HS1BP3: variants seen among roughly 807,000 people sequenced by gnomAD.
The protein encoded by HS1BP3 is HCLS1 binding protein 3.
Under a neutral mutation model 33.5 loss-of-function variants are expected in HS1BP3, and 32 were observed. That is an observed-to-expected ratio of 0.95 (90% CI 0.72 to 1.28). The LOEUF is 1.28. Among genes scored for constraint, HS1BP3 ranks in the 50% most tolerant of loss-of-function variants. The pLI, the probability that HS1BP3 is intolerant of heterozygous loss-of-function variation, is 0.00. For missense variants in HS1BP3, 486 were observed against 502.3 expected (o/e 0.97, Z 0.31); for synonymous variants, 187 against 209.2 (o/e 0.89, Z 0.92).
chr2:20,597,852 G>A (rs1693978767), intron 3 of HS1BP3, among the ~76,000 whole-genome samples: 1 of 152,166 alleles, frequency 6.6e-6, no homozygotes, highest in African/African-American at 2.4e-5. Flanking sequence ...CCTTGCTGTT[G>A]TTTTCAAGAT....
downstream of HS1BP3, among the ~76,000 whole-genome samples, chr2:20,589,428 C>G (rs1693758739): frequency 1.3e-5 from 2 of 152,162 alleles, no homozygotes; most frequent in Non-Finnish European, 2.9e-5. Flanking sequence ...TTCACATGTT[C>G]CCTGTCACTG....
rs773513046 is a variant in HS1BP3 at position 20,623,938 on chromosome 2, G to A, written c.878C>T (p.Thr293Ile). The change falls in exon 6 of 7, where the codon ACA becomes ATA. Residue 293 changes from threonine (T) to isoleucine (I), a missense_variant. Coordinates refer to ENST00000304031, the MANE Select transcript of HS1BP3 (RefSeq NM_022460.4). The stretch of plus-strand genomic sequence containing the variant: ...GGCGTCCCTGTGGCTGAGGCTGGGT[G>A]TGGGCCCTCCACTCTCACAGGCGGC... ...LPAACESGGP[T>I]PSLSHRDASK... The A allele has an allele frequency of 6.8e-6, 11 of 1,612,508 alleles. No homozygotes were observed. The South Asian group carries it at 7.7e-5, about 11-fold the overall frequency.
chr2:20,596,291 T>G (rs1693940824), intron 3 of HS1BP3, among the ~76,000 whole-genome samples: 1 of 152,220 alleles, frequency 6.6e-6, no homozygotes, highest in Non-Finnish European at 1.5e-5. Context: ...CCAGGAAGCT[T>G]ATTCTACTAT....
rs771712097 is a variant in HS1BP3 at position 20,570,774 on chromosome 2, G to A, written c.303-10259C>T. Among the ~76,000 whole-genome samples the A allele has an allele frequency of 1.7e-4, 26 of 152,324 alleles. No individual in the cohort carries two copies. The Middle Eastern group carries it at 0.014, about 80-fold the overall frequency. ...GGGGAACAAGCCAGCAAGGCCTGGAGGCTTGGAGCAAGTGGCTCTCTGAGC... is the reference window on the plus strand; with the variant it reads ...GGGGAACAAGCCAGCAAGGCCTGGAAGCTTGGAGCAAGTGGCTCTCTGAGC... On this transcript the variant is annotated intron_variant, in intron 5 of 5. Transcript: ENST00000446825.
intron 6 of HS1BP3, chr2:20,622,665 G>T (rs992116296): frequency 8.4e-6 from 2 of 237,588 alleles, no homozygotes; most frequent in African/African-American, 2.2e-5. Flanking sequence ...AAGGTCCCAC[G>T]AGAGCCACCC....
At chr2:20,603,039 T>C (rs1402412000) in intron 2 of HS1BP3, among the ~76,000 whole-genome samples, 1 of 152,202 alleles carries the variant, frequency 6.6e-6, no homozygotes, top group Non-Finnish European at 1.5e-5. Context: ...TCACTTCACA[T>C]TCATGAGGAT....
At chr2:20,639,135 C>A (rs1166143500) in intron 3 of HS1BP3, among the ~76,000 whole-genome samples, 1 of 152,244 alleles carries the variant, frequency 6.6e-6, no homozygotes, top group Non-Finnish European at 1.5e-5. Flanking sequence ...CCCCGAGAGT[C>A]TGGGCACCTG....
chr2:20,647,057 C>G (rs1160999616), intron 1 of HS1BP3, among the ~76,000 whole-genome samples: 3 of 151,242 alleles, frequency 2.0e-5, no homozygotes, highest in Admixed American at 1.3e-4. Context: ...ATGATGAAAA[C>G]GAGGCACAGG....
At chr2:20,614,388 C>G (rs995699484), downstream of HS1BP3, among the ~76,000 whole-genome samples, 1 of 152,228 alleles carries the variant, frequency 6.6e-6, no homozygotes, top group African/African-American at 2.4e-5. Context: ...AGGTAACAAA[C>G]TGTCCATGCT....
rs182252946 is a variant in HS1BP3, at chr2:20,583,589, C to T, written c.303-23074G>A. On this transcript the variant is annotated intron_variant, in intron 5 of 5. Transcript: ENST00000446825. Reference sequence around the variant, plus strand: ...AGCTTCAAAGTCCAGAGAGAAGGGGCCAGCGGGTCAAGCCCATGTCTTATC... The same window carrying T: ...AGCTTCAAAGTCCAGAGAGAAGGGGTCAGCGGGTCAAGCCCATGTCTTATC... 1.3e-5 allele frequency among the ~76,000 whole-genome samples: 2 copies of T among 152,340 alleles called. 1 individual carries two copies. The highest frequency in any genetic ancestry group is 1.3e-4 in the Admixed American group (2 of 15,312).
intron 2 of HS1BP3, among the ~76,000 whole-genome samples, chr2:20,601,428 G>A (rs1401947755): frequency 6.6e-6 from 1 of 152,220 alleles, no homozygotes; most frequent in African/African-American, 2.4e-5. Flanking sequence ...GCAGATCTGA[G>A]TGAGGGTTTG....
intron 6 of HS1BP3, among the ~76,000 whole-genome samples, chr2:20,620,736 A>G (rs978968950): frequency 4.6e-5 from 7 of 152,252 alleles, no homozygotes; most frequent in African/African-American, 1.7e-4. Flanking sequence ...CAAGGATCAA[A>G]TAAGACAACA....
In HS1BP3 at chr2:20,579,347, C is replaced by T. The variant is rs1399566341; in HGVS notation, c.303-18832G>A. Among the ~76,000 whole-genome samples, 54 of 152,378 alleles carry T rather than the reference C, an allele frequency of 3.5e-4. 1 individual carries two copies. Among genetic ancestry groups the T allele is most frequent in the Non-Finnish European group, 1.5e-5 (1 of 68,044 alleles). On this transcript the variant is annotated intron_variant, in intron 5 of 5. Coordinates refer to the HS1BP3 transcript ENST00000446825. ...ATCCAGCCTCCTGGCTGTTAGTGGG[C>T]CGTGAGCCTACCGGGACTTCGAGAG...
At chr2:20,566,129 C>T (rs899971116) in intron 5 of HS1BP3, among the ~76,000 whole-genome samples, 1 of 152,260 alleles carries the variant, frequency 6.6e-6, no homozygotes, top group African/African-American at 2.4e-5. Flanking sequence ...TCCTGCTACA[C>T]TCACCAGCTT....
intron 3 of HS1BP3, among the ~76,000 whole-genome samples, chr2:20,596,415 T>C (rs1040341235): frequency 2.0e-5 from 3 of 152,146 alleles, no homozygotes; most frequent in African/African-American, 7.2e-5. Context: ...AGGGTAAAGC[T>C]CTCATGAATA....
At chr2:20,590,611 C>A (rs1693790719), downstream of HS1BP3, among the ~76,000 whole-genome samples, 1 of 152,232 alleles carries the variant, frequency 6.6e-6, no homozygotes, top group Non-Finnish European at 1.5e-5. Flanking sequence ...CTGACAGGTC[C>A]TCTCATAGGC....
intron 4 of HS1BP3, among the ~76,000 whole-genome samples, chr2:20,633,182 C>T (rs915098766): frequency 6.6e-6 from 1 of 152,192 alleles, no homozygotes; most frequent in African/African-American, 2.4e-5. Context: ...CCATCTTTAA[C>T]CCTGCTCTGG....
At chr2:20,603,797 A>G (rs563645949) in intron 2 of HS1BP3, among the ~76,000 whole-genome samples, 1 of 152,338 alleles carries the variant, frequency 6.6e-6, no homozygotes, top group South Asian at 2.1e-4. Flanking sequence ...TGCTTGGCCT[A>G]CTCAGTAGAC....
At chr2:20,553,896 C>A in the HS1BP3 span, among the ~76,000 whole-genome samples, 2 of 152,192 alleles carry the variant, frequency 1.3e-5, no homozygotes, top group Admixed American at 6.5e-5. Flanking sequence ...TGCAAGCTAG[C>A]AAACTGATGT....
Sources: allele counts gnomAD v4.1 joint callset (sites outside exome capture counted in the v4.1 genomes callset), GRCh38; gene constraint gnomAD v4.1.1; transcripts MANE v1.5; gene names NCBI Gene and HGNC (gene_info 2026-07-23, HGNC 2026-07-21).